The following ZNF532 variants were observed in gnomAD, a reference collection of about 807,000 sequenced individuals.
ZNF532 encodes the protein zinc finger protein 532.
Under a neutral mutation model 89.3 loss-of-function variants are expected in ZNF532, and 22 were observed. The observed-to-expected ratio is 0.25, with a 90% CI of 0.18 to 0.35. The LOEUF (loss-of-function observed/expected upper bound fraction) is 0.35, where lower values mean the gene tolerates loss of function less well. ZNF532 is among the 10% of genes least tolerant of loss of function. The pLI is 1.00. For synonymous variants in ZNF532, 606 were observed against 649.6 expected (o/e 0.93, Z 1.02); for missense variants, 1,132 against 1,643.4 (o/e 0.69, Z 5.38).
intron 7 of ZNF532, among the ~76,000 whole-genome samples, chr18:58,968,777 G>A (rs1444940815): frequency 6.6e-6 from 1 of 152,218 alleles, no homozygotes; most frequent in Non-Finnish European, 1.5e-5. Flanking sequence ...TTGGTTCAGT[G>A]TTGTGATTCT....
chr18:58,900,215 G>A (rs1006317571), intron 2 of ZNF532, among the ~76,000 whole-genome samples: 1 of 152,180 alleles, frequency 6.6e-6, no homozygotes, highest in Non-Finnish European at 1.5e-5. Flanking sequence ...TGGACTCATC[G>A]GAGGATCGCA....
intron 2 of ZNF532, among the ~76,000 whole-genome samples, chr18:58,898,639 T>C (rs931808453): frequency 2.0e-5 from 3 of 152,190 alleles, no homozygotes; most frequent in Non-Finnish European, 4.4e-5. Context: ...ATCCCAGGTG[T>C]AGTCTTGGCA....
intron 2 of ZNF532, among the ~76,000 whole-genome samples, chr18:58,878,285 C>A (rs1445228954): frequency 1.4e-5 from 2 of 144,310 alleles, no homozygotes; most frequent in Non-Finnish European, 3.0e-5. Flanking sequence ...CGAAAAAAAA[C>A]CACTGGGCAG....
chr18:58,883,188 G>GT (rs2058053240), intron 2 of ZNF532, among the ~76,000 whole-genome samples: 1 of 152,070 alleles, frequency 6.6e-6, no homozygotes, highest in South Asian at 2.1e-4. Flanking sequence ...CTTTCTCTGT[G>GT]TTTTTTTCCT....
chr18:58,890,871 T>C (rs775370961), intron 2 of ZNF532, among the ~76,000 whole-genome samples: 2 of 151,362 alleles, frequency 1.3e-5, no homozygotes, highest in Non-Finnish European at 2.9e-5. Flanking sequence ...TTTTTAGATA[T>C]GGGGCCTCTG....
intron 9 of ZNF532, among the ~76,000 whole-genome samples, chr18:58,983,449 A>T (rs974207492): frequency 1.5e-4 from 23 of 151,868 alleles, no homozygotes; most frequent in African/African-American, 5.3e-4. Flanking sequence ...TCTGTTGCCC[A>T]CTCACAGGCC....
intron 2 of ZNF532, among the ~76,000 whole-genome samples, chr18:58,896,218 T>C (rs906810723): frequency 3.9e-5 from 6 of 152,120 alleles, no homozygotes; most frequent in African/African-American, 1.4e-4. Context: ...GTTGTTGTTG[T>C]TTGTTTTTTA....
At chr18:58,915,586 A>T (rs2060546407) in intron 2 of ZNF532, among the ~76,000 whole-genome samples, 1 of 152,154 alleles carries the variant, frequency 6.6e-6, no homozygotes, top group African/African-American at 2.4e-5. Flanking sequence ...GGTGATGTGG[A>T]GGTCAACAAG....
chr18:58,863,817 A>C (rs2056184020), upstream of ZNF532: 1 of 152,302 alleles, frequency 6.6e-6, no homozygotes, highest in Admixed American at 6.6e-5. Context: ...GGCGCAGGGC[A>C]GCCGGACCCA....
At position 58,939,246 on chromosome 18, in the gene ZNF532, C is replaced by CAAAAAAAAAAAAA. The variant is rs71336307; in HGVS notation, c.2529-182_2529-170dup. The stretch of plus-strand genomic sequence containing the variant: ...TGGGCGACAGAGCGAGACGTTGTCT[C>CAAAAAAAAAAAAA]AAAAAAAAAAAAAAAAAAAAAAAAA... On this transcript the variant is annotated intron_variant, in intron 4 of 9. Transcript: ENST00000591808. Among the ~76,000 whole-genome samples, 282 of 34,514 alleles carry CAAAAAAAAAAAAA rather than the reference C, an allele frequency of 8.2e-3. 30 individuals carry two copies. The highest frequency in any genetic ancestry group is 0.014 in the Non-Finnish European group (227 of 15,880). 22.6% of individuals were successfully genotyped at this position (34,514 alleles called of 152,430 possible).
At chr18:58,882,777 T>C (rs7228330) in intron 2 of ZNF532, among the ~76,000 whole-genome samples, 64,696 of 152,026 alleles carry the variant, frequency 0.43, 14,359 homozygotes, top group East Asian at 0.63. Flanking sequence ...AACCCAGCTT[T>C]ACGTTTGTCC....
chr18:58,981,330 G>T, intron 8 of ZNF532, 140 bp from the exon 9 acceptor site: 1 of 1,085,932 alleles, frequency 9.2e-7, no homozygotes, highest in South Asian at 1.5e-5. Flanking sequence ...TGCTGATTGC[G>T]TGTTGAACCA....
intron 4 of ZNF532, among the ~76,000 whole-genome samples, chr18:58,937,764 A>G (rs2062601259): frequency 6.6e-6 from 1 of 152,190 alleles, no homozygotes. Flanking sequence ...AAAATGATCT[A>G]TTTTAATTCT....
At chr18:58,938,814 G>C (rs902621525) in intron 4 of ZNF532, among the ~76,000 whole-genome samples, 5 of 152,190 alleles carry the variant, frequency 3.3e-5, no homozygotes, top group African/African-American at 1.2e-4. Flanking sequence ...TCAGGGCCCT[G>C]GTGCCAGAAT....
chr18:58,894,029 A>T lies in ZNF532; in HGVS notation c.-17-24242A>T, dbSNP rs1040978761. Among the ~76,000 whole-genome samples, 5 of 152,126 alleles carry T rather than the reference A, an allele frequency of 3.3e-5. No homozygotes were observed. The South Asian group carries it at 1.0e-3, about 32-fold the overall frequency. ...CTCAAACTACAGGGAGAAGGAAGAG[A>T]TGTGTCTGGCATCATTTCCGTGTTG... On this transcript the variant is annotated intron_variant, in intron 2 of 9. Coordinates refer to ENST00000591808, the MANE Select transcript of ZNF532 (RefSeq NM_001375912.1).
In ZNF532 at chr18:58,985,563, C is replaced by CTGAGCCG. The variant is rs1176163090; in HGVS notation, c.*1098_*1099insGAGCCGT. ...CCTGTGTATTGCAATTGGCCGTTAC[C>CTGAGCCG]TTAAGCACTGAGCCACCCGGGTTTA... On this transcript the variant is annotated 3_prime_UTR_variant, in exon 10 of 10. Coordinates refer to ENST00000591808, the MANE Select transcript of ZNF532 (RefSeq NM_001375912.1). 1 of 152,536 alleles carries CTGAGCCG rather than the reference C, an allele frequency of 6.6e-6. No homozygotes were observed. The highest frequency in any genetic ancestry group is 6.5e-5 in the Admixed American group (1 of 15,272). The allele number at this position is 152,536 out of a possible 1,614,324, so 9.4% of individuals were successfully genotyped here.
chr18:58,891,356 C>A (rs2058889222), intron 2 of ZNF532, among the ~76,000 whole-genome samples: 2 of 152,136 alleles, frequency 1.3e-5, no homozygotes, highest in African/African-American at 4.8e-5. Context: ...ATGGCGAAAC[C>A]CTATCTCTAC....
intron 3 of ZNF532, among the ~76,000 whole-genome samples, chr18:58,930,675 G>C (rs998493052): frequency 6.6e-6 from 1 of 150,754 alleles, no homozygotes; most frequent in African/African-American, 2.4e-5. Flanking sequence ...GTTTCCTCAG[G>C]TGTTGGTTCT....
At chr18:58,971,178 C>T (rs867524688) in intron 7 of ZNF532, among the ~76,000 whole-genome samples, 4 of 152,132 alleles carry the variant, frequency 2.6e-5, no homozygotes, top group Non-Finnish European at 4.4e-5. Context: ...GGTAAGCACA[C>T]GTTGGTTTAA....
Sources: allele counts gnomAD v4.1 joint callset (sites outside exome capture counted in the v4.1 genomes callset), GRCh38; gene constraint gnomAD v4.1.1; transcripts MANE v1.5; gene names NCBI Gene and HGNC (gene_info 2026-07-23, HGNC 2026-07-21).